Variants in TSPAN8 observed in about 807,000 individuals in gnomAD.
The protein encoded by TSPAN8 is tetraspanin 8, also known as tetraspanin-8.
TSPAN8 carries 21 observed loss-of-function variants against 32.8 expected under a neutral mutation model. The ratio of observed to expected loss-of-function variants is 0.64; its 90% CI spans 0.45 to 0.92. The LOEUF (loss-of-function observed/expected upper bound fraction) is 0.92. Ranked by LOEUF, TSPAN8 falls within the 40% of genes least tolerant of loss-of-function variation. The pLI is 0.00. For synonymous variants in TSPAN8, 95 were observed against 94.6 expected, an observed-to-expected ratio of 1.00 and a Z score of -0.03; for missense variants, 269 against 281.9, an observed-to-expected ratio of 0.95 and a Z score of 0.33.
rs575520915 is a variant in TSPAN8, at chr12:71,135,380, G to A, written c.445-2556C>T. On this transcript the variant is annotated intron_variant, in intron 6 of 8. Transcript: ENST00000247829. ...GAAAGAAGAAGAAGAAGGAGGAGGAGGAGGAGGAGAAGGGGGGACAAGAAG... is the reference window on the plus strand; with the variant it reads ...GAAAGAAGAAGAAGAAGGAGGAGGAAGAGGAGGAGAAGGGGGGACAAGAAG... Among the ~76,000 whole-genome samples, 14 of 144,236 alleles carry A rather than the reference G, an allele frequency of 9.7e-5. No homozygotes were observed. The South Asian group carries it at 3.2e-3, about 33-fold the overall frequency. The allele number at this position is 144,236 out of a possible 152,430, so 94.6% of individuals were successfully genotyped here.
intron 2 of TSPAN8, among the ~76,000 whole-genome samples, chr12:71,153,477 G>A (rs535960803): frequency 6.6e-6 from 1 of 152,148 alleles, no homozygotes; most frequent in Non-Finnish European, 1.5e-5. Flanking sequence ...TAGATTAAAT[G>A]ACCACATGCA....
intron 8 of TSPAN8, among the ~76,000 whole-genome samples, chr12:71,126,875 G>C (rs954752895): frequency 1.3e-5 from 2 of 151,724 alleles, no homozygotes; most frequent in Non-Finnish European, 2.9e-5. Flanking sequence ...AGAGTAATGA[G>C]AATTCCAAAA....
intron 4 of TSPAN8, 106 bp from the exon 5 acceptor site, chr12:71,138,336 A>T: frequency 9.4e-7 from 1 of 1,068,202 alleles, no homozygotes; most frequent in Non-Finnish European, 1.4e-6. Context: ...TATCACAGTG[A>T]GAGTGTCAGT....
At chr12:71,149,294 G>A (rs1872171086) in intron 2 of TSPAN8, among the ~76,000 whole-genome samples, 1 of 151,640 alleles carries the variant, frequency 6.6e-6, no homozygotes, top group Non-Finnish European at 1.5e-5. Context: ...CTTGAACCCG[G>A]CAGGTGGAGG....
At chr12:71,135,945 C>A (rs996053721) in intron 6 of TSPAN8, among the ~76,000 whole-genome samples, 1 of 152,124 alleles carries the variant, frequency 6.6e-6, no homozygotes, top group African/African-American at 2.4e-5. Context: ...AAGGATGCAG[C>A]TACAGGGGAG....
chr12:71,138,726 A>G (rs919003649), intron 4 of TSPAN8, among the ~76,000 whole-genome samples: 2 of 152,196 alleles, frequency 1.3e-5, no homozygotes, highest in Non-Finnish European at 1.5e-5. Context: ...TTTTTTTTTA[A>G]ACAAGCTCCT....
intron 3 of TSPAN8, 150 bp downstream of exon 3, chr12:71,144,001 T>A (rs1206525025): frequency 1.6e-6 from 1 of 630,914 alleles, no homozygotes; most frequent in Non-Finnish European, 2.6e-6. Context: ...TTGAACTGAA[T>A]TATAAAATCA....
chr12:71,131,417 T>C (rs575054637), intron 7 of TSPAN8, among the ~76,000 whole-genome samples: 2 of 152,232 alleles, frequency 1.3e-5, no homozygotes, highest in Admixed American at 6.5e-5. Flanking sequence ...TTTGATAAGA[T>C]CAGTGAAAAA....
chr12:71,155,801 G>A (rs868755690), intron 2 of TSPAN8, among the ~76,000 whole-genome samples: 4 of 151,648 alleles, frequency 2.6e-5, no homozygotes, highest in East Asian at 3.9e-4. Flanking sequence ...GTGCGAGCTC[G>A]GCTCACTGCA....
At chr12:71,139,086 CTCAT>C in intron 4 of TSPAN8, 1 of 455,974 alleles carries the variant, frequency 2.2e-6, no homozygotes, top group South Asian at 1.5e-5. Context: ...TTCTGATTAT[CTCAT>C]TCATTTAAAC....
At position 71,157,931 on chromosome 12, in the gene TSPAN8, C is replaced by T. The variant is rs997891976; in HGVS notation, c.-111G>A. 7 of 457,294 alleles carry T rather than the reference C, an allele frequency of 1.5e-5. No individual in the cohort carries two copies. The highest frequency in any genetic ancestry group is 2.7e-5 in the Non-Finnish European group (7 of 256,638). The allele number at this position is 457,294 out of a possible 1,614,324, so 28.3% of individuals were successfully genotyped here. Reference sequence around the variant, plus strand: ...ATATCTCAAAGGCTATTAACTCACACATTTAAATATCGCAAAGGCTATCTC... The same window carrying T: ...ATATCTCAAAGGCTATTAACTCACATATTTAAATATCGCAAAGGCTATCTC... On this transcript the variant is annotated splice_region_variant and 5_prime_UTR_variant, in exon 1 of 9. The change abolishes an upstream ATG in the 5' untranslated region. Coordinates refer to ENST00000247829, the MANE Select transcript of TSPAN8 (RefSeq NM_004616.3).
chr12:71,153,126 C>T (rs556738515), intron 2 of TSPAN8, among the ~76,000 whole-genome samples: 1 of 152,108 alleles, frequency 6.6e-6, no homozygotes, highest in Non-Finnish European at 1.5e-5. Flanking sequence ...TCTACTGCAT[C>T]CACGAGCCAA....
chr12:71,139,869 A>C (rs1323377327), intron 3 of TSPAN8, 21 bp from the exon 4 acceptor site: 2 of 1,597,208 alleles, frequency 1.3e-6, no homozygotes, highest in Non-Finnish European at 1.7e-6. Flanking sequence ...AAAGAGATTA[A>C]TGGCAGAAAA....
At chr12:71,154,099 AG>A (rs1191925335) in intron 2 of TSPAN8, among the ~76,000 whole-genome samples, 36 of 152,194 alleles carry the variant, frequency 2.4e-4, no homozygotes, top group African/African-American at 6.7e-4. Flanking sequence ...ACCTGAGGTC[AG>A]GAGTTTGAGA....
At chr12:71,157,864 A>G in intron 1 of TSPAN8, 66 bp downstream of exon 1, 1 of 573,370 alleles carries the variant, frequency 1.7e-6, no homozygotes, top group East Asian at 2.8e-5. Flanking sequence ...AAATTAACCC[A>G]CACATTTAAA....
chr12:71,132,835 A>G lies in TSPAN8; in HGVS notation c.445-11T>C. ...ACCGCAGCATTTAAACTGTTTGATA[A>G]AAGGTAGAATGAGAAGCAGTCAGTA... On this transcript the variant is annotated splice_polypyrimidine_tract_variant and intron_variant, in intron 6 of 8. Coordinates refer to ENST00000247829, the MANE Select transcript of TSPAN8 (RefSeq NM_004616.3). 1 of 1,613,642 alleles carries G rather than the reference A, an allele frequency of 6.2e-7. No individual in the cohort carries two copies. Among genetic ancestry groups the G allele is most frequent in the Non-Finnish European group, 8.5e-7 (1 of 1,179,884 alleles).
At chr12:71,136,683 C>A (rs1871707005) in intron 6 of TSPAN8, among the ~76,000 whole-genome samples, 1 of 151,922 alleles carries the variant, frequency 6.6e-6, no homozygotes, top group Non-Finnish European at 1.5e-5. Flanking sequence ...CAATGCCTAC[C>A]CATATTTTGA....
intron 2 of TSPAN8, among the ~76,000 whole-genome samples, chr12:71,154,387 C>G (rs1592412462): frequency 6.6e-6 from 1 of 150,660 alleles, no homozygotes; most frequent in African/African-American, 2.4e-5. Context: ...ATGATAATAT[C>G]TGGGTGTGGC....
rs760364131 is a variant in TSPAN8, at chr12:71,129,417, G to GT, written c.577-4dup. ...TCTTTTATGAAAGAAATACAGGTCT[G>GT]TTAAAAAAAAAAAACATTAAAAGTT... On this transcript the variant is annotated splice_region_variant and splice_polypyrimidine_tract_variant and intron_variant, in intron 7 of 8. Transcript: ENST00000247829. 1.3e-6 allele frequency: 2 copies of GT among 1,531,004 alleles called. No individual in the cohort carries two copies. Among genetic ancestry groups the GT allele is most frequent in the African/African-American group, 3.0e-5 (2 of 66,878 alleles). The allele number at this position is 1,531,004 out of a possible 1,614,324, so 94.8% of individuals were successfully genotyped here.
Sources: gnomAD v4.1 joint callset for allele counts (sites outside exome capture counted in the v4.1 genomes callset) on GRCh38, gnomAD v4.1.1 for gene constraint, MANE v1.5 for transcripts, NCBI Gene and HGNC (gene_info 2026-07-23, HGNC 2026-07-21) for gene names.